The following LRP1B variants were observed in gnomAD, a reference collection of about 807,000 sequenced individuals.
LRP1B encodes the protein low-density lipoprotein receptor-related protein 1B.
LRP1B carries 217 observed loss-of-function variants against 556.6 expected under a neutral mutation model. The ratio of observed to expected loss-of-function variants is 0.39; its 90% CI spans 0.35 to 0.44. The LOEUF is 0.44. Among genes scored for constraint, LRP1B ranks in the 20% least tolerant of loss-of-function variants. The pLI is 1.00. For missense variants in LRP1B, 5,053 were observed against 5,620.8 expected, an observed-to-expected ratio of 0.90 and a Z score of 3.23; for synonymous variants, 2,047 against 1,865.8, an observed-to-expected ratio of 1.10 and a Z score of -2.50.
intron 79 of LRP1B, among the ~76,000 whole-genome samples, chr2:140,332,679 G>A (rs1680873980): frequency 6.6e-6 from 1 of 151,984 alleles, no homozygotes; most frequent in African/African-American, 2.4e-5. Flanking sequence ...TCCAAATAGT[G>A]GCTCAAACCA....
chr2:141,526,941 C>G (rs1020478533), intron 2 of LRP1B, among the ~76,000 whole-genome samples: 1 of 151,992 alleles, frequency 6.6e-6, no homozygotes, highest in Non-Finnish European at 1.5e-5. Context: ...ATCCGGATTA[C>G]AGGAAAATCT....
intron 32 of LRP1B, among the ~76,000 whole-genome samples, chr2:140,811,748 C>T (rs1162347044): frequency 6.6e-6 from 1 of 151,756 alleles, no homozygotes. Flanking sequence ...GTAATATATT[C>T]TGTTTTTTAA....
chr2:141,687,733 G>A (rs955093598), intron 2 of LRP1B, among the ~76,000 whole-genome samples: 1 of 151,844 alleles, frequency 6.6e-6, no homozygotes, highest in African/African-American at 2.4e-5. Flanking sequence ...TCCACGTGAA[G>A]GCTTTTTAGC....
intron 1 of LRP1B, among the ~76,000 whole-genome samples, chr2:141,838,794 T>C (rs1007344936): frequency 6.6e-6 from 1 of 152,124 alleles, no homozygotes; most frequent in Non-Finnish European, 1.5e-5. Context: ...AAAAGAGAAT[T>C]TTTAAATGAA....
At chr2:140,966,702 C>A (rs1696233548) in intron 18 of LRP1B, among the ~76,000 whole-genome samples, 1 of 152,150 alleles carries the variant, frequency 6.6e-6, no homozygotes, top group African/African-American at 2.4e-5. Flanking sequence ...TTTAACCCCT[C>A]TTGAATTAAT....
At chr2:141,664,132 T>C (rs541362146) in intron 2 of LRP1B, among the ~76,000 whole-genome samples, 1 of 152,248 alleles carries the variant, frequency 6.6e-6, no homozygotes, top group South Asian at 2.1e-4. Context: ...AACTCAAGAC[T>C]AAAACCACGT....
At chr2:141,388,148 C>T (rs1427762138) in intron 3 of LRP1B, among the ~76,000 whole-genome samples, 2 of 152,072 alleles carry the variant, frequency 1.3e-5, no homozygotes, top group African/African-American at 2.4e-5. Flanking sequence ...TAAAATAATA[C>T]TCAATGGCCG....
chr2:141,346,110 T>G (rs529061554), intron 3 of LRP1B, among the ~76,000 whole-genome samples: 1 of 152,210 alleles, frequency 6.6e-6, no homozygotes, highest in South Asian at 2.1e-4. Context: ...AAGTTTTATT[T>G]TCCACCAATT....
Position 142,061,677 on chromosome 2 carries a change from G to A in LRP1B, c.82+68971C>T, listed in dbSNP as rs188716917. ...CAGTTAAAAACGACTAGTAGGATAG[G>A]AATCAAAATTTAATCAATTCAAAAG... On this transcript the variant is annotated intron_variant, in intron 1 of 90. Coordinates refer to ENST00000389484, the MANE Select transcript of LRP1B (RefSeq NM_018557.3). Among the ~76,000 whole-genome samples, 595 of 151,988 alleles carry A rather than the reference G, an allele frequency of 3.9e-3. 2 individuals carry two copies. The highest frequency in any genetic ancestry group is 0.01 in the Middle Eastern group (3 of 292).
chr2:141,753,263 C>CTCTCTCTCTCTCTCTCT (rs533996017), intron 2 of LRP1B, among the ~76,000 whole-genome samples: 2 of 62,500 alleles, frequency 3.2e-5, no homozygotes, highest in African/African-American at 1.2e-4. Context: ...TCTCTCTCTC[C>CTCTCTCTCTCTCTCTCT]ATATATATAT....
chr2:142,092,526 G>T (rs1326842514), intron 1 of LRP1B, among the ~76,000 whole-genome samples: 2 of 152,008 alleles, frequency 1.3e-5, no homozygotes, highest in African/African-American at 4.8e-5. Flanking sequence ...ACAAATACAA[G>T]AAATCCAATG....
chr2:140,641,210 T>C (rs17201855), intron 41 of LRP1B, among the ~76,000 whole-genome samples: 4,441 of 152,294 alleles, frequency 0.029, 99 homozygotes, highest in South Asian at 0.05. Context: ...AATTTAAATC[T>C]TGGAACAATG....
At chr2:141,315,252 A>ATTTTTTTTTTTTTTTTTTTTTTTTTTTT (rs34839276) in intron 3 of LRP1B, among the ~76,000 whole-genome samples, 2 of 77,164 alleles carry the variant, frequency 2.6e-5, no homozygotes, top group Non-Finnish European at 2.2e-5. Context: ...AATGATTGTA[A>ATTTTTTTTTTTTTTTTTTTTTTTTTTTT]TTTTTTTTTT....
At chr2:140,283,209 T>C (rs1682988546) in intron 84 of LRP1B, among the ~76,000 whole-genome samples, 1 of 151,672 alleles carries the variant, frequency 6.6e-6, no homozygotes, top group African/African-American at 2.4e-5. Flanking sequence ...AATCAGGAGA[T>C]AGAATTTAAA....
At chr2:141,900,164 A>C (rs571712518) in intron 1 of LRP1B, among the ~76,000 whole-genome samples, 1 of 152,120 alleles carries the variant, frequency 6.6e-6, no homozygotes, top group Non-Finnish European at 1.5e-5. Flanking sequence ...ATAGTGCTTC[A>C]AATTCTTGTC....
Position 140,915,901 on chromosome 2 carries a change from G to T in LRP1B, c.3319+7064C>A, listed in dbSNP as rs563614403. On this transcript the variant is annotated intron_variant, in intron 21 of 90. Coordinates refer to ENST00000389484, the MANE Select transcript of LRP1B (RefSeq NM_018557.3). ...AAATTAGCCGGGTGAGGGGGCAGGCGCCTGTACTCCCAGCTACTTGGGAGG... is the reference window on the plus strand; with the variant it reads ...AAATTAGCCGGGTGAGGGGGCAGGCTCCTGTACTCCCAGCTACTTGGGAGG... 7.9e-5 allele frequency among the ~76,000 whole-genome samples: 12 copies of T among 151,868 alleles called. No individual in the cohort carries two copies. The South Asian group carries it at 8.3e-4, about 11-fold the overall frequency.
intron 24 of LRP1B, among the ~76,000 whole-genome samples, chr2:140,885,351 GCTTC>G (rs1693602448): frequency 6.7e-6 from 1 of 150,346 alleles, no homozygotes; most frequent in African/African-American, 2.5e-5. Context: ...TATGTCAACG[GCTTC>G]CTTTTTTTTT....
intron 3 of LRP1B, among the ~76,000 whole-genome samples, chr2:141,327,969 T>C (rs529928654): frequency 6.6e-6 from 1 of 152,178 alleles, no homozygotes; most frequent in Non-Finnish European, 1.5e-5. Flanking sequence ...AAATGTTTAT[T>C]TATATTCAGG....
intron 3 of LRP1B, among the ~76,000 whole-genome samples, chr2:141,412,592 G>T (rs1159774899): frequency 3.3e-5 from 5 of 152,108 alleles, no homozygotes. Context: ...AAGTGAACAA[G>T]AAAAGTTTCT....
Sources: gnomAD v4.1 joint callset for allele counts (sites outside exome capture counted in the v4.1 genomes callset) on GRCh38, gnomAD v4.1.1 for gene constraint, MANE v1.5 for transcripts, NCBI Gene and HGNC (gene_info 2026-07-23, HGNC 2026-07-21) for gene names.